DNER: variants seen among roughly 807,000 people sequenced by gnomAD.
DNER encodes the protein delta and Notch-like epidermal growth factor-related receptor.
Under a neutral mutation model 78.2 loss-of-function variants are expected in DNER, and 33 were observed. The observed-to-expected ratio is 0.42, with a 90% CI of 0.32 to 0.56. The LOEUF (loss-of-function observed/expected upper bound fraction) is 0.56. Among genes scored for constraint, DNER ranks in the 20% least tolerant of loss-of-function variants. DNER has a pLI of 0.11. For missense variants in DNER, 918 were observed against 975.3 expected (o/e 0.94, Z 0.78); for synonymous variants, 417 against 384.8 (o/e 1.08, Z -0.98).
At chr2:229,458,803 A>G (rs371293606) in intron 7 of DNER, among the ~76,000 whole-genome samples, 28 of 151,982 alleles carry the variant, frequency 1.8e-4, no homozygotes, top group African/African-American at 6.8e-4. Flanking sequence ...AATAAAAAAC[A>G]TAAAGTGTAG....
intron 1 of DNER, among the ~76,000 whole-genome samples, chr2:229,595,116 C>T (rs1008776485): frequency 3.9e-5 from 6 of 152,076 alleles, no homozygotes; most frequent in Non-Finnish European, 5.9e-5. Context: ...CTTATTTGTG[C>T]GCCTGCCATT....
intron 7 of DNER, among the ~76,000 whole-genome samples, chr2:229,463,587 C>T (rs960871432): frequency 2.6e-5 from 4 of 152,016 alleles, no homozygotes; most frequent in African/African-American, 9.7e-5. Flanking sequence ...ATTACAAGCA[C>T]TTCCACCACA....
At chr2:229,646,111 C>G (rs895746840) in intron 1 of DNER, among the ~76,000 whole-genome samples, 17 of 152,158 alleles carry the variant, frequency 1.1e-4, no homozygotes, top group African/African-American at 4.1e-4. Flanking sequence ...CTGTATTTCT[C>G]TCCTTTCCAT....
intron 1 of DNER, among the ~76,000 whole-genome samples, chr2:229,672,155 T>A (rs981459318): frequency 7.2e-5 from 11 of 152,148 alleles, no homozygotes; most frequent in Admixed American, 6.5e-4. Flanking sequence ...TCGGCAGGAA[T>A]AGCTCATCTC....
At chr2:229,477,069 A>G (rs940549035) in intron 7 of DNER, 71 bp downstream of exon 7, 8 of 1,264,492 alleles carry the variant, frequency 6.3e-6, no homozygotes, top group Non-Finnish European at 8.9e-6. Flanking sequence ...GAAACAAAGT[A>G]TAAGGCTGAT....
intron 1 of DNER, among the ~76,000 whole-genome samples, chr2:229,710,737 G>A (rs920661540): frequency 6.6e-6 from 1 of 152,070 alleles, no homozygotes; most frequent in African/African-American, 2.4e-5. Flanking sequence ...CAATCAAAAT[G>A]AGCTTCATTT....
chr2:229,614,913 T>G (rs1394571703), intron 1 of DNER, among the ~76,000 whole-genome samples: 1 of 152,232 alleles, frequency 6.6e-6, no homozygotes, highest in African/African-American at 2.4e-5. Context: ...TCTGTATGTA[T>G]AGTTGCTTTT....
intron 1 of DNER, among the ~76,000 whole-genome samples, chr2:229,615,753 C>T (rs544671014): frequency 6.6e-6 from 1 of 151,724 alleles, no homozygotes; most frequent in Admixed American, 6.6e-5. Flanking sequence ...CAAAGTGTCA[C>T]ATTTCTGTAG....
intron 5 of DNER, among the ~76,000 whole-genome samples, chr2:229,514,024 G>A (rs1407052751): frequency 6.6e-6 from 1 of 152,046 alleles, no homozygotes; most frequent in Non-Finnish European, 1.5e-5. Flanking sequence ...TCCCCTTGAA[G>A]AGAAAAGGGT....
intron 4 of DNER, among the ~76,000 whole-genome samples, chr2:229,551,576 G>A (rs902803340): frequency 1.3e-5 from 2 of 152,036 alleles, no homozygotes; most frequent in Non-Finnish European, 2.9e-5. Context: ...AGAGGTTGCA[G>A]TGAGCCAAAA....
intron 10 of DNER, among the ~76,000 whole-genome samples, chr2:229,406,612 C>A (rs1316527217): frequency 6.6e-6 from 1 of 152,180 alleles, no homozygotes; most frequent in African/African-American, 2.4e-5. Context: ...TCAGCACATA[C>A]ACGTACAAAC....
intron 7 of DNER, among the ~76,000 whole-genome samples, chr2:229,467,737 A>G (rs1317097717): frequency 1.3e-5 from 2 of 152,268 alleles, no homozygotes; most frequent in African/African-American, 4.8e-5. Flanking sequence ...GTTGCATTCA[A>G]GAACCATGAT....
chr2:229,651,211 T>C (rs1174770398), intron 1 of DNER, among the ~76,000 whole-genome samples: 4 of 152,192 alleles, frequency 2.6e-5, no homozygotes, highest in Non-Finnish European at 4.4e-5. Flanking sequence ...CTCAGTTTCA[T>C]CTTCATTTCA....
Position 229,391,957 on chromosome 2 carries a change from G to T in DNER, c.1724-3561C>A, listed in dbSNP as rs541175365. Among the ~76,000 whole-genome samples the T allele has an allele frequency of 5.9e-5, 9 of 151,970 alleles. No homozygotes were observed. In the East Asian group the frequency reaches 1.7e-3, roughly 29 times the overall value. On this transcript the variant is annotated intron_variant, in intron 10 of 12. Transcript: ENST00000341772. ...ATACTGATTCTGCTTGCTTTCCTTG[G>T]GTAAATTAAGAAATGCAAAAAGACA...
chr2:229,451,456 C>A (rs959289922), intron 7 of DNER, among the ~76,000 whole-genome samples: 1 of 151,938 alleles, frequency 6.6e-6, no homozygotes, highest in African/African-American at 2.4e-5. Flanking sequence ...GACTCTGTCT[C>A]GAAAAATAAA....
intron 4 of DNER, among the ~76,000 whole-genome samples, chr2:229,549,637 C>T (rs1278865965): frequency 6.6e-6 from 1 of 152,156 alleles, no homozygotes; most frequent in East Asian, 1.9e-4. Flanking sequence ...ATAGGCCGGG[C>T]ATGGTGGCTC....
At chr2:229,540,229 G>C (rs1003263444) in intron 5 of DNER, among the ~76,000 whole-genome samples, 1 of 152,096 alleles carries the variant, frequency 6.6e-6, no homozygotes, top group African/African-American at 2.4e-5. Context: ...AGAGACTCAG[G>C]GGGAGCAGGG....
At chr2:229,360,249 A>G (rs942053274) in intron 12 of DNER, among the ~76,000 whole-genome samples, 1 of 152,210 alleles carries the variant, frequency 6.6e-6, no homozygotes, top group Non-Finnish European at 1.5e-5. Context: ...TAATAATTTA[A>G]CCAAAAATAT....
At chr2:229,436,190 A>T (rs1694116658) in intron 8 of DNER, among the ~76,000 whole-genome samples, 1 of 152,152 alleles carries the variant, frequency 6.6e-6, no homozygotes, top group Non-Finnish European at 1.5e-5. Flanking sequence ...TATAAGCGAG[A>T]ACATGAAATA....
Sources: gnomAD v4.1 joint callset for allele counts (sites outside exome capture counted in the v4.1 genomes callset) on GRCh38, gnomAD v4.1.1 for gene constraint, MANE v1.5 for transcripts, NCBI Gene and HGNC (gene_info 2026-07-23, HGNC 2026-07-21) for gene names.